ITPR2: variants seen among roughly 807,000 people sequenced by gnomAD.
ITPR2 encodes the protein inositol 1,4,5-trisphosphate receptor type 2, also known as inositol 1,4,5-trisphosphate-gated calcium channel ITPR2.
In ITPR2, 207 loss-of-function variants were observed where a neutral mutation model predicts 317.1. The ratio of observed to expected loss-of-function variants is 0.65; its 90% confidence interval spans 0.58 to 0.73. The LOEUF (loss-of-function observed/expected upper bound fraction) is 0.73, where lower values mean the gene tolerates loss of function less well. Among genes scored for constraint, ITPR2 ranks in the 30% least tolerant of loss-of-function variants. The pLI, the probability that ITPR2 is intolerant of heterozygous loss-of-function variation, is 0.00. For synonymous variants in ITPR2, 1,156 were observed against 1,149.1 expected (o/e 1.01, Z -0.12); for missense variants, 2,613 against 3,284.0 (o/e 0.80, Z 4.99).
At chr12:26,406,432 T>TC (rs1940353533) in intron 52 of ITPR2, 1 of 117,542 alleles carries the variant, frequency 8.5e-6, no homozygotes, top group Non-Finnish European at 1.8e-5. Flanking sequence ...TATGAAGTTT[T>TC]TTTTTTTTTT....
intron 5 of ITPR2, among the ~76,000 whole-genome samples, chr12:26,721,692 C>T (rs1948842835): frequency 6.6e-6 from 1 of 152,108 alleles, no homozygotes; most frequent in Non-Finnish European, 1.5e-5. Context: ...GACTATTTCT[C>T]ATAATTTATT....
At chr12:26,749,429 A>G (rs1949379906) in intron 2 of ITPR2, among the ~76,000 whole-genome samples, 1 of 152,008 alleles carries the variant, frequency 6.6e-6, no homozygotes, top group Non-Finnish European at 1.5e-5. Context: ...TTCAATCACT[A>G]TTTTTTTTCT....
intron 1 of ITPR2, among the ~76,000 whole-genome samples, chr12:26,799,659 T>C (rs1727275483): frequency 6.6e-6 from 1 of 152,228 alleles, no homozygotes; most frequent in Non-Finnish European, 1.5e-5. Flanking sequence ...TCTGGGCTTC[T>C]CTTTCTCCAT....
intron 13 of ITPR2, among the ~76,000 whole-genome samples, chr12:26,671,243 A>T (rs1947761983): frequency 6.6e-6 from 1 of 152,064 alleles, no homozygotes; most frequent in African/African-American, 2.4e-5. Flanking sequence ...AAGACACATA[A>T]TTATCAGATT....
intron 22 of ITPR2, chr12:26,630,838 G>A (rs1245394714): frequency 1.3e-5 from 2 of 152,122 alleles, no homozygotes; most frequent in African/African-American, 4.8e-5. Context: ...GGATCAGTAG[G>A]TCCATGGGTC....
At chr12:26,823,834 T>TAC (rs144146227) in intron 1 of ITPR2, among the ~76,000 whole-genome samples, 2,371 of 151,804 alleles carry the variant, frequency 0.016, 61 homozygotes, top group African/African-American at 0.053. Context: ...AAATTTCAAT[T>TAC]ACACACACAC....
At position 26,443,528 on chromosome 12, in the gene ITPR2, A is replaced by G; in HGVS notation, c.6450+15T>C. The G allele has an allele frequency of 6.3e-7, 1 of 1,582,038 alleles. No homozygotes were observed. The stretch of plus-strand genomic sequence containing the variant: ...TTTCACAGTTGGTCTCTTTCAATAA[A>G]TAATAGATGGTTACCTCAATCTGTG... On this transcript the variant is annotated intron_variant, in intron 46 of 56. Transcript: ENST00000381340.
chr12:26,705,664 T>C (rs1040259745), intron 9 of ITPR2, among the ~76,000 whole-genome samples: 2 of 152,186 alleles, frequency 1.3e-5, no homozygotes, highest in Non-Finnish European at 2.9e-5. Context: ...CCTCATCAAT[T>C]TGGCACCTCT....
chr12:26,415,357 T>C lies in ITPR2; in HGVS notation c.7252A>G (p.Lys2418Glu). The change falls in exon 51 of 57, where the codon AAG becomes GAG. Residue 2418 changes from lysine (K) to glutamate (E), a missense_variant. Around this residue, in one of 9 missense-constraint regions of ITPR2, gnomAD observed 113 missense variants for 129.2 expected, o/e 0.87. Coordinates refer to ENST00000381340, the MANE Select transcript of ITPR2 (RefSeq NM_002223.4). ...TCAACTTCCATAGTGAAGTCATCCT[T>C]CAAAAAAAGGAACCCAATAATGGAA... ...LFSIIGFLFL[K>E]DDFTMEVDRL... 1 of 1,612,012 alleles carries C rather than the reference T, an allele frequency of 6.2e-7. No individual in the cohort carries two copies. The highest frequency in any genetic ancestry group is 8.5e-7 in the Non-Finnish European group (1 of 1,178,970).
intron 36 of ITPR2, among the ~76,000 whole-genome samples, chr12:26,555,521 T>A (rs1944638937): frequency 6.6e-6 from 1 of 152,198 alleles, no homozygotes; most frequent in Non-Finnish European, 1.5e-5. Flanking sequence ...CTGGAACTAG[T>A]TATGCTTTTT....
intron 55 of ITPR2, among the ~76,000 whole-genome samples, chr12:26,379,471 G>T (rs1413779253): frequency 6.6e-6 from 1 of 152,106 alleles, no homozygotes; most frequent in African/African-American, 2.4e-5. Context: ...CCTCATAGCA[G>T]CTCTGCAAAA....
chr12:26,588,800 C>T (rs191658647), intron 32 of ITPR2, among the ~76,000 whole-genome samples: 162 of 152,282 alleles, frequency 1.1e-3, no homozygotes, highest in Non-Finnish European at 2.1e-3. Context: ...GGGATACTGA[C>T]ATGACAGAGA....
chr12:26,746,720 C>T (rs1422709186), intron 2 of ITPR2, among the ~76,000 whole-genome samples: 4 of 152,130 alleles, frequency 2.6e-5, no homozygotes, highest in African/African-American at 9.7e-5. Context: ...AGAGAATTTT[C>T]AAGGTAATGC....
intron 37 of ITPR2, among the ~76,000 whole-genome samples, chr12:26,535,411 T>C (rs537713316): frequency 1.1e-4 from 17 of 152,372 alleles, no homozygotes; most frequent in African/African-American, 3.1e-4. Context: ...ACAGTGTTGT[T>C]ATGTTCCATT....
At chr12:26,806,288 G>A (rs1189714035) in intron 1 of ITPR2, among the ~76,000 whole-genome samples, 1 of 151,722 alleles carries the variant, frequency 6.6e-6, no homozygotes, top group Non-Finnish European at 1.5e-5. Context: ...AGTAAACACT[G>A]AATATTCACT....
At chr12:26,829,279 C>A (rs1951060354) in intron 1 of ITPR2, among the ~76,000 whole-genome samples, 1 of 152,008 alleles carries the variant, frequency 6.6e-6, no homozygotes, top group South Asian at 2.1e-4. Context: ...TAGAAAACTG[C>A]TATATTTTTA....
intron 8 of ITPR2, among the ~76,000 whole-genome samples, chr12:26,713,930 G>C (rs181488135): frequency 3.1e-4 from 47 of 152,200 alleles, no homozygotes; most frequent in African/African-American, 1.1e-3. Context: ...ATGCAGCCTC[G>C]TGTATTATTA....
At chr12:26,824,545 C>G (rs902307484) in intron 1 of ITPR2, among the ~76,000 whole-genome samples, 4 of 152,080 alleles carry the variant, frequency 2.6e-5, no homozygotes, top group African/African-American at 9.7e-5. Context: ...CCTCCACTGA[C>G]CATAACTAGG....
chr12:26,376,925 C>T (rs1452878966), intron 55 of ITPR2, among the ~76,000 whole-genome samples: 1 of 152,068 alleles, frequency 6.6e-6, no homozygotes, highest in African/African-American at 2.4e-5. Flanking sequence ...GACAGGGTTT[C>T]ACCATGTTGA....
Sources: allele counts gnomAD v4.1 joint callset (sites outside exome capture counted in the v4.1 genomes callset), GRCh38; gene constraint gnomAD v4.1.1; regional missense constraint gnomAD v4.1.1; transcripts MANE v1.5; gene names NCBI Gene and HGNC (gene_info 2026-07-23, HGNC 2026-07-21).